The following IMPG2 variants were observed in gnomAD, a reference collection of about 807,000 sequenced individuals.
The protein encoded by IMPG2 is interphotoreceptor matrix proteoglycan 2.
IMPG2 carries 91 observed loss-of-function variants against 129.2 expected under a neutral mutation model. The ratio of observed to expected loss-of-function variants is 0.70; its 90% CI spans 0.59 to 0.84. IMPG2 has a LOEUF of 0.84. Among genes scored for constraint, IMPG2 ranks in the 40% least tolerant of loss-of-function variants. The pLI is 0.00. For missense variants in IMPG2, 1,430 were observed against 1,461.7 expected, an observed-to-expected ratio of 0.98 and a Z score of 0.35; for synonymous variants, 510 against 517.7, an observed-to-expected ratio of 0.99 and a Z score of 0.20.
intron 14 of IMPG2, among the ~76,000 whole-genome samples, chr3:101,239,604 T>C (rs1576746211): frequency 6.6e-6 from 1 of 152,142 alleles, no homozygotes; most frequent in East Asian, 1.9e-4. Context: ...CATTCTACTA[T>C]AAAGACACAT....
chr3:101,263,146 A>G (rs114516484), intron 9 of IMPG2, among the ~76,000 whole-genome samples: 2,259 of 152,134 alleles, frequency 0.015, 54 homozygotes, highest in African/African-American at 0.052. Flanking sequence ...AATCATCTAG[A>G]AAGAAAAATC....
intron 14 of IMPG2, among the ~76,000 whole-genome samples, chr3:101,237,976 A>C (rs1020087761): frequency 6.6e-6 from 1 of 152,094 alleles, no homozygotes; most frequent in Non-Finnish European, 1.5e-5. Context: ...GAACCTTGAA[A>C]AAAGGTTAGA....
At chr3:101,312,019 C>A (rs1009196767) in intron 2 of IMPG2, among the ~76,000 whole-genome samples, 1 of 119,792 alleles carries the variant, frequency 8.3e-6, no homozygotes, top group Non-Finnish European at 2.0e-5. Context: ...ATCCTTACAT[C>A]ATATACAAAA....
rs1314083825 is a variant in IMPG2 at position 101,245,752 on chromosome 3, C to G, written c.1543+50G>C. 3.3e-6 allele frequency: 5 copies of G among 1,523,688 alleles called. No homozygotes were observed. The Admixed American group carries it at 8.3e-5, about 25-fold the overall frequency. 94.4% of individuals were successfully genotyped at this position (1,523,688 alleles called of 1,614,324 possible). A position where few individuals can be genotyped will look rare whatever the true frequency, so the allele number is the denominator to read the frequency against. ...ATAGTCTCTTCCTCTCTTTAAAACCCCTGTCATCGGATACAATAAGAAGTA... is the reference window on the plus strand; with the variant it reads ...ATAGTCTCTTCCTCTCTTTAAAACCGCTGTCATCGGATACAATAAGAAGTA... On this transcript the variant is annotated intron_variant, in intron 12 of 18. Transcript: ENST00000193391.
intron 10 of IMPG2, among the ~76,000 whole-genome samples, chr3:101,255,270 T>G (rs1341331809): frequency 6.6e-6 from 1 of 152,060 alleles, no homozygotes; most frequent in Non-Finnish European, 1.5e-5. Flanking sequence ...AGGGACAAAA[T>G]TCTGAGTAAT....
intron 14 of IMPG2, among the ~76,000 whole-genome samples, chr3:101,242,049 T>A (rs1007526384): frequency 2.0e-5 from 3 of 150,246 alleles, no homozygotes; most frequent in African/African-American, 7.4e-5. Flanking sequence ...AAAAAAAAAA[T>A]TATCAGGTTT....
chr3:101,230,907 T>C lies in IMPG2; in HGVS notation c.3422+50A>G, dbSNP rs372156074. The stretch of plus-strand genomic sequence containing the variant: ...TGGCACCTGGTAAGTACTAAATAAA[T>C]GTGTAAATGGAACATTGTATTCCAT... On this transcript the variant is annotated intron_variant, in intron 16 of 18. Coordinates refer to ENST00000193391, the MANE Select transcript of IMPG2 (RefSeq NM_016247.4). The C allele has an allele frequency of 1.3e-4, 198 of 1,533,898 alleles. No individual in the cohort carries two copies. The African/African-American group carries it at 2.4e-3, about 19-fold the overall frequency.
In IMPG2 at chr3:101,232,841, G is replaced by T; in HGVS notation, c.3173C>A (p.Pro1058His). 1 of 1,613,616 alleles carries T rather than the reference G, an allele frequency of 6.2e-7. No homozygotes were observed. The highest frequency in any genetic ancestry group is 8.5e-7 in the Non-Finnish European group (1 of 1,179,936). The change falls in exon 15 of 19, where the codon CCT (proline) becomes CAT (histidine). Residue 1058 changes from proline to histidine, a missense_variant. Transcript: ENST00000193391. ...CTTTCCATCATTCAAGCAGAAGTCA[G>T]GCTGTAGGTCACAGAGACTCTGACA... ...RPCQSLCDLQ[P>H]DFCLNDGKCD...
rs1371206711 is a variant in IMPG2 at position 101,273,581 on chromosome 3, C to G, written c.828G>C (p.Glu276Asp). The G allele has an allele frequency of 6.2e-7, 1 of 1,613,910 alleles. No homozygotes were observed. The change falls in exon 7 of 19, where the codon GAG becomes GAC. Residue 276 changes from glutamate to aspartate, a missense_variant and splice_region_variant. Glu to Asp is a conservative substitution (Grantham distance 45). Coordinates refer to ENST00000193391, the MANE Select transcript of IMPG2 (RefSeq NM_016247.4). ...GTTTGTTTTTTTTTTAATCACCCACCTCTGAAATAAATTCTTCTTCAAGGT... is the reference window on the plus strand; with the variant it reads ...GTTTGTTTTTTTTTTAATCACCCACGTCTGAAATAAATTCTTCTTCAAGGT... The part of the protein sequence containing the change: ...HQHLEEEFIS[E>D]VENAFTGLPG...
Position 101,319,782 on chromosome 3 carries a change from A to C in IMPG2, c.136T>G (p.Ser46Ala). Residue 46 changes from serine (S) to alanine (A), a missense_variant, in exon 2 of 19, where the codon TCT becomes GCT. By Grantham distance (99) the Ser-to-Ala change is moderately conservative (BLOSUM62 1). Transcript: ENST00000193391. ...GTTGATTCTTCAGGCAGGAGAAAAG[A>C]AACTGCACTCTTGGGTTCTTGGATC... ...EEIQEPKSAV[S>A]FLLPEESTDL... 1 of 1,613,464 alleles carries C rather than the reference A, an allele frequency of 6.2e-7. No homozygotes were observed. The highest frequency in any genetic ancestry group is 8.5e-7 in the Non-Finnish European group (1 of 1,179,744).
chr3:101,275,536 G>T, intron 6 of IMPG2, 127 bp downstream of exon 6: 1 of 732,164 alleles, frequency 1.4e-6, no homozygotes. Context: ...CTGGTTTTAG[G>T]ATCCATGTCA....
chr3:101,240,033 G>A (rs779186420), intron 14 of IMPG2, among the ~76,000 whole-genome samples: 5 of 151,746 alleles, frequency 3.3e-5, no homozygotes, highest in South Asian at 2.1e-4. Context: ...AGATCTGCAC[G>A]TTCTACACAT....
intron 9 of IMPG2, 41 bp from the exon 10 acceptor site, chr3:101,257,814 A>G (rs1391335839): frequency 3.7e-6 from 6 of 1,609,514 alleles, no homozygotes; most frequent in Admixed American, 1.7e-5. Context: ...TCAGCTAAGG[A>G]AGCACAAAGA....
intron 9 of IMPG2, among the ~76,000 whole-genome samples, chr3:101,262,316 A>G (rs902791073): frequency 9.2e-5 from 14 of 152,122 alleles, no homozygotes; most frequent in African/African-American, 3.4e-4. Context: ...TAAAAGAGGT[A>G]CAGAGCAAAT....
intron 4 of IMPG2, among the ~76,000 whole-genome samples, chr3:101,278,230 G>C (rs1314802063): frequency 6.6e-6 from 1 of 152,142 alleles, no homozygotes; most frequent in Non-Finnish European, 1.5e-5. Context: ...GGAAGACTCT[G>C]CCTCTAAATA....
intron 3 of IMPG2, among the ~76,000 whole-genome samples, chr3:101,298,489 G>T (rs1408526584): frequency 6.6e-6 from 1 of 152,166 alleles, no homozygotes; most frequent in African/African-American, 2.4e-5. Context: ...TTTCTTCATA[G>T]TGTCATTGGT....
rs199570786 is a variant in IMPG2 at position 101,310,559 on chromosome 3, C to CA, written c.335-6248dup. Among the ~76,000 whole-genome samples the CA allele has an allele frequency of 4.1e-3, 513 of 126,356 alleles. 20 individuals are homozygous for CA. Among genetic ancestry groups the CA allele is most frequent in the African/African-American group, 0.013 (390 of 29,010 alleles). 82.9% of individuals were successfully genotyped at this position (126,356 alleles called of 152,430 possible). ...TGGGTGACAAAGTGAGACCCTGTCT[C>CA]AAAAAAAAAAAAAAAAAAAAAAAAA... On this transcript the variant is annotated intron_variant, in intron 2 of 18. Coordinates refer to ENST00000193391, the MANE Select transcript of IMPG2 (RefSeq NM_016247.4).
intron 10 of IMPG2, among the ~76,000 whole-genome samples, chr3:101,256,146 AAAGAAAGAAAGAAAGAAAGAAAG>A (rs1706599833): frequency 5.0e-5 from 1 of 19,944 alleles, no homozygotes; most frequent in Non-Finnish European, 1.1e-4. Flanking sequence ...GAAAGAAAGA[AAAGAAAGAAAGAAAGAAAGAAAG>A]AAAGAAAGAA....
chr3:101,274,013 C>A (rs1172272505), intron 6 of IMPG2, among the ~76,000 whole-genome samples: 1 of 151,890 alleles, frequency 6.6e-6, no homozygotes, highest in African/African-American at 2.4e-5. Flanking sequence ...GCCTGGCCAA[C>A]TGAAACCCCA....
Sources: allele counts gnomAD v4.1 joint callset (sites outside exome capture counted in the v4.1 genomes callset), GRCh38; gene constraint gnomAD v4.1.1; transcripts MANE v1.5; gene names NCBI Gene and HGNC (gene_info 2026-07-23, HGNC 2026-07-21).